MAPKAP1: variants seen among roughly 807,000 people sequenced by gnomAD.
MAPKAP1 encodes the protein MAPK associated protein 1.
Under a neutral mutation model 65.7 loss-of-function variants are expected in MAPKAP1, and 20 were observed. The observed-to-expected ratio is 0.30, with a 90% CI of 0.21 to 0.44. The LOEUF (loss-of-function observed/expected upper bound fraction) is 0.44, where lower values mean the gene tolerates loss of function less well. Ranked by LOEUF, MAPKAP1 falls within the 20% of genes least tolerant of loss-of-function variation. The probability of loss-of-function intolerance (pLI) is 1.00; values close to 1 mark genes in which losing one functional copy is unlikely to be tolerated. For synonymous variants in MAPKAP1, 222 were observed against 244.3 expected (o/e 0.91, Z 0.85); for missense variants, 423 against 648.0 (o/e 0.65, Z 3.77).
intron 7 of MAPKAP1, among the ~76,000 whole-genome samples, chr9:125,517,225 G>T (rs998581341): frequency 6.6e-6 from 1 of 152,184 alleles, no homozygotes; most frequent in Non-Finnish European, 1.5e-5. Flanking sequence ...GTAAGGTTTA[G>T]ATGATTTATC....
chr9:125,460,759 A>T (rs1332413286), intron 10 of MAPKAP1, among the ~76,000 whole-genome samples: 1 of 152,224 alleles, frequency 6.6e-6, no homozygotes, highest in African/African-American at 2.4e-5. Context: ...TTCCCTTGTC[A>T]CTACAACTGT....
At chr9:125,454,699 C>A (rs1853101701) in intron 10 of MAPKAP1, among the ~76,000 whole-genome samples, 1 of 152,134 alleles carries the variant, frequency 6.6e-6, no homozygotes, top group African/African-American at 2.4e-5. Context: ...TATTTTTGGT[C>A]AACTCTTGTT....
intron 7 of MAPKAP1, among the ~76,000 whole-genome samples, chr9:125,534,507 G>A (rs542234164): frequency 2.0e-5 from 3 of 152,222 alleles, no homozygotes; most frequent in South Asian, 2.1e-4. Flanking sequence ...TCCATTTCCC[G>A]ATGAGTAGCT....
rs1831179922 is a variant in MAPKAP1 at position 125,570,027 on chromosome 9, G to A, written c.672-10218C>T. 2.0e-5 allele frequency among the ~76,000 whole-genome samples: 3 copies of A among 152,198 alleles called. No individual in the cohort carries two copies. In the South Asian group the frequency reaches 6.2e-4, roughly 31 times the overall value. ...AGTTGGCTAAATGCTTTAAGGTCATGAACTGCTTCTTTAACTTTTAAAAAT... is the reference window on the plus strand; with the variant it reads ...AGTTGGCTAAATGCTTTAAGGTCATAAACTGCTTCTTTAACTTTTAAAAAT... On this transcript the variant is annotated intron_variant, in intron 5 of 11. Coordinates refer to ENST00000265960, the MANE Select transcript of MAPKAP1 (RefSeq NM_001006617.3).
chr9:125,468,761 C>T (rs1406037719), intron 9 of MAPKAP1, among the ~76,000 whole-genome samples: 1 of 152,238 alleles, frequency 6.6e-6, no homozygotes, highest in Non-Finnish European at 1.5e-5. Flanking sequence ...GTCATTGCCC[C>T]CCTGCTGAGG....
intron 9 of MAPKAP1, among the ~76,000 whole-genome samples, chr9:125,475,722 C>A (rs1476702156): frequency 6.6e-6 from 1 of 152,178 alleles, no homozygotes; most frequent in Non-Finnish European, 1.5e-5. Flanking sequence ...AAGGCATTTA[C>A]AAAGATTCTG....
chr9:125,637,514 A>G (rs1471792728), intron 4 of MAPKAP1, among the ~76,000 whole-genome samples: 2 of 152,208 alleles, frequency 1.3e-5, no homozygotes, highest in Admixed American at 6.5e-5. Flanking sequence ...GGGACTCAGG[A>G]TAACAGAAGA....
At chr9:125,548,896 T>A (rs1455642795) in intron 6 of MAPKAP1, among the ~76,000 whole-genome samples, 3 of 152,214 alleles carry the variant, frequency 2.0e-5, no homozygotes, top group Non-Finnish European at 2.9e-5. Flanking sequence ...TTGAGACATT[T>A]GTCTGGAGTT....
intron 5 of MAPKAP1, among the ~76,000 whole-genome samples, chr9:125,571,619 G>T (rs905424532): frequency 6.6e-6 from 1 of 152,136 alleles, no homozygotes; most frequent in Non-Finnish European, 1.5e-5. Flanking sequence ...CACTTTGGGA[G>T]GCCGAGGCAG....
At chr9:125,502,882 C>T (rs1378433497) in intron 8 of MAPKAP1, among the ~76,000 whole-genome samples, 1 of 152,060 alleles carries the variant, frequency 6.6e-6, no homozygotes, top group Non-Finnish European at 1.5e-5. Flanking sequence ...GAGTTAAAAC[C>T]TCCCTCCATG....
intron 5 of MAPKAP1, chr9:125,572,857 G>A (rs1323770360): frequency 1.3e-5 from 2 of 152,128 alleles, no homozygotes; most frequent in Non-Finnish European, 2.9e-5. Context: ...CAAGCTTACT[G>A]AATGTTTTCT....
At chr9:125,547,408 C>T (rs976248039) in intron 6 of MAPKAP1, among the ~76,000 whole-genome samples, 7 of 152,162 alleles carry the variant, frequency 4.6e-5, no homozygotes, top group African/African-American at 1.4e-4. Context: ...CCGTGGCTAA[C>T]GGAGATGTTG....
chr9:125,445,078 A>C (rs1852656328), intron 10 of MAPKAP1, among the ~76,000 whole-genome samples: 1 of 151,592 alleles, frequency 6.6e-6, no homozygotes, highest in Admixed American at 6.6e-5. Context: ...GGAGAATCCC[A>C]GTTTTAGACC....
At chr9:125,594,802 C>T (rs1241528643) in intron 4 of MAPKAP1, among the ~76,000 whole-genome samples, 2 of 152,156 alleles carry the variant, frequency 1.3e-5, no homozygotes, top group Non-Finnish European at 2.9e-5. Context: ...GGGTTTCATG[C>T]TAGCTGGCTA....
rs1852625860 is a variant in MAPKAP1 at position 125,444,520 on chromosome 9, A to G, written c.1424T>C (p.Val475Ala). The G allele has an allele frequency of 6.2e-7, 1 of 1,612,884 alleles. No homozygotes were observed. The highest frequency in any genetic ancestry group is 8.5e-7 in the Non-Finnish European group (1 of 1,179,326). ...ACTCACCTTGAGCACAATTTCATTGACGGTAGCAGCGTCCGATTCAAAGTA... is the reference window on the plus strand; with the variant it reads ...ACTCACCTTGAGCACAATTTCATTGGCGGTAGCAGCGTCCGATTCAAAGTA... The part of the protein sequence containing the change: ...HLYFESDAAT[V>A]NEIVLKVNYI... Residue 475 changes from valine to alanine, a missense_variant, in exon 11 of 12, where the codon GTC (valine) becomes GCC (alanine). Physicochemically the swap from Val to Ala is moderately conservative, Grantham distance 64. Coordinates refer to ENST00000265960, the MANE Select transcript of MAPKAP1 (RefSeq NM_001006617.3).
intron 9 of MAPKAP1, among the ~76,000 whole-genome samples, chr9:125,475,102 T>C (rs1854054490): frequency 6.6e-6 from 1 of 152,180 alleles, no homozygotes. Flanking sequence ...TCACCTAGTC[T>C]GGGGTTTTCA....
intron 1 of MAPKAP1, among the ~76,000 whole-genome samples, chr9:125,698,298 T>C (rs1344766776): frequency 7.8e-5 from 1 of 12,852 alleles, no homozygotes; most frequent in South Asian, 1.6e-3. Flanking sequence ...AATATATATA[T>C]ATATATATAT....
chr9:125,473,134 T>C (rs1238560960), intron 9 of MAPKAP1, among the ~76,000 whole-genome samples: 1 of 151,548 alleles, frequency 6.6e-6, no homozygotes, highest in East Asian at 1.9e-4. Context: ...GCAGTTCTAG[T>C]GGTATGCCAG....
chr9:125,448,156 G>A (rs1157597353), intron 10 of MAPKAP1, among the ~76,000 whole-genome samples: 1 of 152,202 alleles, frequency 6.6e-6, no homozygotes, highest in East Asian at 1.9e-4. Flanking sequence ...GTAGGAGTGA[G>A]TGCAGTTTTG....
Sources: allele counts gnomAD v4.1 joint callset (sites outside exome capture counted in the v4.1 genomes callset), GRCh38; gene constraint gnomAD v4.1.1; transcripts MANE v1.5; gene names NCBI Gene and HGNC (gene_info 2026-07-23, HGNC 2026-07-21).